The following IL1RAPL2 variants were observed in gnomAD, a reference collection of about 807,000 sequenced individuals.
The protein encoded by IL1RAPL2 is interleukin 1 receptor accessory protein like 2.
A neutral mutation model predicts 44.1 loss-of-function variants in IL1RAPL2; 3 were observed. That is an observed-to-expected ratio of 0.07 (90% CI 0.03 to 0.18). The LOEUF is 0.18. Ranked by LOEUF, IL1RAPL2 falls within the 10% of genes least tolerant of loss-of-function variation. IL1RAPL2 has a pLI of 1.00. For synonymous variants in IL1RAPL2, 181 were observed against 178.8 expected, an observed-to-expected ratio of 1.01 and a Z score of -0.10; for missense variants, 391 against 496.4, an observed-to-expected ratio of 0.79 and a Z score of 2.02.
intron 1 of IL1RAPL2, chrX:104,648,010 T>G (rs186383076): frequency 1.5e-6 from 1 of 687,923 alleles, no homozygotes; most frequent in African/African-American, 2.1e-5. Flanking sequence ...TGTTTTCTTC[T>G]GCTGGACCCT....
chrX:105,133,503 C>T (rs2033048328), intron 2 of IL1RAPL2, among the ~76,000 whole-genome samples: 1 of 111,785 alleles, frequency 8.9e-6, no homozygotes, highest in Admixed American at 9.5e-5. Flanking sequence ...TGTGTGCACA[C>T]ATGCACACAC....
intron 5 of IL1RAPL2, among the ~76,000 whole-genome samples, chrX:105,281,746 A>G (rs2034534637): frequency 8.9e-6 from 1 of 111,736 alleles, no homozygotes; most frequent in South Asian, 3.8e-4. Context: ...TTTGGTAAGG[A>G]CAATCTATGA....
At chrX:105,669,570 A>G (rs1208261742) in intron 6 of IL1RAPL2, among the ~76,000 whole-genome samples, 4 of 111,679 alleles carry the variant, frequency 3.6e-5, no homozygotes, top group South Asian at 3.7e-4. Flanking sequence ...CCATTTTACA[A>G]TCACATGCAG....
chrX:105,291,601 G>A (rs748008526), intron 5 of IL1RAPL2, among the ~76,000 whole-genome samples: 1 of 111,482 alleles, frequency 9.0e-6, no homozygotes, highest in Admixed American at 9.5e-5. Context: ...CCCACACCCA[G>A]TAGAAGATCC....
chrX:105,541,162 A>T (rs887738330), intron 6 of IL1RAPL2, among the ~76,000 whole-genome samples: 3 of 108,963 alleles, frequency 2.8e-5, no homozygotes, highest in Non-Finnish European at 5.7e-5. Context: ...AAATCAAATC[A>T]TATTACTCTG....
intron 6 of IL1RAPL2, among the ~76,000 whole-genome samples, chrX:105,526,341 TCTC>T (rs923078813): frequency 1.8e-5 from 2 of 111,557 alleles, no homozygotes; most frequent in Non-Finnish European, 3.8e-5. Flanking sequence ...ATCACCTCAA[TCTC>T]CTCTGGGAGA....
chrX:105,134,212 C>G (rs1203170003), intron 2 of IL1RAPL2, among the ~76,000 whole-genome samples: 1 of 112,013 alleles, frequency 8.9e-6, no homozygotes, highest in Non-Finnish European at 1.9e-5. Flanking sequence ...ATTATCTGAT[C>G]AATTCAGTGA....
chrX:105,521,179 C>T (rs186823185), intron 6 of IL1RAPL2, among the ~76,000 whole-genome samples: 4 of 105,187 alleles, frequency 3.8e-5, no homozygotes, highest in Non-Finnish European at 7.8e-5. Flanking sequence ...CTCCTGACCT[C>T]GTGATCTGCC....
chrX:104,760,383 A>T (rs980973214), intron 2 of IL1RAPL2, among the ~76,000 whole-genome samples: 1 of 111,849 alleles, frequency 8.9e-6, no homozygotes, highest in African/African-American at 3.2e-5. Flanking sequence ...GGTTGTACTA[A>T]TTTACATTCC....
chrX:105,204,693 A>G (rs1009397050), intron 3 of IL1RAPL2, among the ~76,000 whole-genome samples: 5 of 111,586 alleles, frequency 4.5e-5, no homozygotes, highest in Non-Finnish European at 7.5e-5. Context: ...TCCTATTAGG[A>G]GTATGGTCTC....
chrX:105,723,283 T>C (rs2038321781), intron 7 of IL1RAPL2, among the ~76,000 whole-genome samples: 1 of 111,640 alleles, frequency 9.0e-6, no homozygotes, highest in Admixed American at 9.6e-5. Flanking sequence ...GTGTTTCTCA[T>C]GTAAGTCTGA....
At chrX:105,374,804 C>G (rs758327249) in intron 5 of IL1RAPL2, among the ~76,000 whole-genome samples, 2 of 107,912 alleles carry the variant, frequency 1.9e-5, no homozygotes, top group Non-Finnish European at 3.8e-5. Flanking sequence ...AAAAATTAGC[C>G]GGGCGCGGTG....
At chrX:104,733,054 TAATATAATTC>T (rs1243618832) in intron 2 of IL1RAPL2, among the ~76,000 whole-genome samples, 1 of 111,607 alleles carries the variant, frequency 9.0e-6, no homozygotes, top group Non-Finnish European at 1.9e-5. Flanking sequence ...AAAAAGCACT[TAATATAATTC>T]AATATAATTT....
chrX:105,065,498 G>C (rs2032127003), intron 2 of IL1RAPL2, among the ~76,000 whole-genome samples: 1 of 112,000 alleles, frequency 8.9e-6, no homozygotes, highest in Non-Finnish European at 1.9e-5. Flanking sequence ...GCAAGTTGTA[G>C]GGGAACATGG....
chrX:105,232,748 T>C (rs2034082246), intron 3 of IL1RAPL2, among the ~76,000 whole-genome samples: 1 of 112,406 alleles, frequency 8.9e-6, no homozygotes, highest in South Asian at 3.7e-4. Context: ...ACTCACATTA[T>C]TGAGAAAGTG....
chrX:104,786,771 CAG>C (rs1257959812), intron 2 of IL1RAPL2, among the ~76,000 whole-genome samples: 2 of 111,456 alleles, frequency 1.8e-5, no homozygotes, highest in Admixed American at 1.9e-4. Context: ...ACGAGACAAA[CAG>C]ACAAATGAAA....
chrX:105,704,841 G>A (rs941718967), intron 6 of IL1RAPL2, among the ~76,000 whole-genome samples: 3 of 110,311 alleles, frequency 2.7e-5, no homozygotes, highest in Non-Finnish European at 5.7e-5. Flanking sequence ...TATATACGAT[G>A]TAACCAAGTG....
intron 2 of IL1RAPL2, among the ~76,000 whole-genome samples, chrX:104,771,884 C>A: frequency 9.0e-6 from 1 of 111,567 alleles, no homozygotes; most frequent in African/African-American, 3.3e-5. Context: ...AGTGCACAAA[C>A]CTCTGCATAC....
At chrX:105,575,888 G>A (rs1279483781) in intron 6 of IL1RAPL2, among the ~76,000 whole-genome samples, 2 of 111,416 alleles carry the variant, frequency 1.8e-5, no homozygotes, top group Admixed American at 9.5e-5. Context: ...ATGGTACCTC[G>A]TTGTGGTTTT....
Sources: allele counts gnomAD v4.1 joint callset (sites outside exome capture counted in the v4.1 genomes callset), GRCh38; gene constraint gnomAD v4.1.1; transcripts MANE v1.5; gene names NCBI Gene and HGNC (gene_info 2026-07-23, HGNC 2026-07-21).